DCT: variants seen among roughly 807,000 people sequenced by gnomAD.
The protein encoded by DCT is L-dopachrome tautomerase.
DCT carries 47 observed loss-of-function variants against 53.0 expected under a neutral mutation model. The observed-to-expected ratio is 0.89, with a 90% CI of 0.70 to 1.13. The LOEUF is 1.13. Ranked by LOEUF, DCT falls within the 50% of genes most tolerant of loss-of-function variation. DCT has a pLI of 0.00. For synonymous variants in DCT, 244 were observed against 237.0 expected, an observed-to-expected ratio of 1.03 and a Z score of -0.27; for missense variants, 669 against 637.4, an observed-to-expected ratio of 1.05 and a Z score of -0.53.
intron 6 of DCT, among the ~76,000 whole-genome samples, chr13:94,457,696 G>A (rs1883498511): frequency 6.6e-6 from 1 of 152,176 alleles, no homozygotes; most frequent in African/African-American, 2.4e-5. Context: ...ATTTCTTCTT[G>A]TAATTGCTCC....
At chr13:94,521,754 G>A in the DCT span, among the ~76,000 whole-genome samples, 1 of 152,168 alleles carries the variant, frequency 6.6e-6, no homozygotes, top group African/African-American at 2.4e-5. Flanking sequence ...GCTTTATTAA[G>A]ATATAATTCA....
chr13:94,518,778 A>G, the DCT span, among the ~76,000 whole-genome samples: 1 of 152,204 alleles, frequency 6.6e-6, no homozygotes. Flanking sequence ...AAAACTGAAT[A>G]TCTGAATATA....
At chr13:94,451,215 G>C (rs1165233540) in intron 6 of DCT, among the ~76,000 whole-genome samples, 1 of 152,096 alleles carries the variant, frequency 6.6e-6, no homozygotes, top group East Asian at 1.9e-4. Context: ...AACTAGTATT[G>C]AATAAGTAAA....
At position 94,479,299 on chromosome 13, in the gene DCT, GTC is replaced by G; in HGVS notation, c.-46_-45del. On this transcript the variant is annotated 5_prime_UTR_variant, in exon 1 of 8. Coordinates refer to ENST00000377028, the MANE Select transcript of DCT (RefSeq NM_001922.5). The stretch of plus-strand genomic sequence containing the variant: ...GCTCTCTCTCTCTCTTACTTTCCTT[GTC>G]TCTGTCGTACTTTTCTCCTTATCTT... The G allele has an allele frequency of 6.8e-7, 1 of 1,470,458 alleles. No individual in the cohort carries two copies. Among genetic ancestry groups the G allele is most frequent in the Non-Finnish European group, 9.1e-7 (1 of 1,097,060 alleles). 91.1% of individuals were successfully genotyped at this position (1,470,458 alleles called of 1,614,324 possible).
Position 94,462,141 on chromosome 13 carries a change from T to G in DCT, c.912A>C (p.Glu304Asp). 6.2e-7 allele frequency: 1 copy of G among 1,613,532 alleles called. No homozygotes were observed. Among genetic ancestry groups the G allele is most frequent in the Non-Finnish European group, 8.5e-7 (1 of 1,179,762 alleles). ...HLVTLCNGTY[E>D]GLLRRNQMGR... ...CCATTTGATTTCTTCTCAGCAAACC[T>G]TCATAGGTTCCATTGCACAAGGTGA... Residue 304 changes from glutamate to aspartate, a missense_variant, in exon 5 of 8, where the codon GAA becomes GAC. Coordinates refer to ENST00000377028, the MANE Select transcript of DCT (RefSeq NM_001922.5).
the DCT span, among the ~76,000 whole-genome samples, chr13:94,548,254 C>G: frequency 1.3e-5 from 2 of 151,912 alleles, no homozygotes; most frequent in Admixed American, 1.3e-4. Flanking sequence ...ATATGTACTT[C>G]ATAAGGTTGT....
the DCT span, among the ~76,000 whole-genome samples, chr13:94,500,300 T>G: frequency 6.6e-6 from 1 of 152,140 alleles, no homozygotes; most frequent in Non-Finnish European, 1.5e-5. Context: ...TGGGGAGGCC[T>G]CACAATCATG....
chr13:94,442,948 G>A (rs1231256882), intron 7 of DCT, among the ~76,000 whole-genome samples: 4 of 152,112 alleles, frequency 2.6e-5, no homozygotes, highest in African/African-American at 9.7e-5. Context: ...CTTGATTACT[G>A]AGTTTTCTGG....
intron 1 of DCT, among the ~76,000 whole-genome samples, chr13:94,470,622 T>C (rs1312966843): frequency 6.6e-6 from 1 of 152,158 alleles, no homozygotes; most frequent in Admixed American, 6.5e-5. Flanking sequence ...CACTTACTCC[T>C]CCTCCTCTAC....
At chr13:94,440,906 C>A (rs1037228456) in intron 7 of DCT, among the ~76,000 whole-genome samples, 1 of 152,084 alleles carries the variant, frequency 6.6e-6, no homozygotes, top group Non-Finnish European at 1.5e-5. Flanking sequence ...GTCTGAAACT[C>A]CTGACTGCAG....
At chr13:94,528,093 A>G in the DCT span, among the ~76,000 whole-genome samples, 2 of 152,208 alleles carry the variant, frequency 1.3e-5, no homozygotes, top group African/African-American at 4.8e-5. Flanking sequence ...TAGAGAAAAA[A>G]GAGTGAAAAG....
intron 5 of DCT, among the ~76,000 whole-genome samples, chr13:94,460,700 C>T (rs1351515832): frequency 6.6e-6 from 1 of 151,950 alleles, no homozygotes; most frequent in Admixed American, 6.6e-5. Flanking sequence ...TTTGAGGTTA[C>T]AATTAGCCAT....
Position 94,479,128 on chromosome 13 carries a change from C to CGTG in DCT, c.125_127dup (p.Pro42dup). ...GACATTGGCCGACTCTGCACCCAGG[C>CGTG]GTGGGCAGCACTCCTTGTTCACTAG... is the stretch of plus-strand genomic sequence containing the variant. On this transcript the variant is annotated inframe_insertion, in exon 1 of 8. Coordinates refer to ENST00000377028, the MANE Select transcript of DCT (RefSeq NM_001922.5). The CGTG allele has an allele frequency of 6.2e-7, 1 of 1,614,206 alleles. No individual in the cohort carries two copies. Among genetic ancestry groups the CGTG allele is most frequent in the Non-Finnish European group, 8.5e-7 (1 of 1,180,030 alleles).
the DCT span, among the ~76,000 whole-genome samples, chr13:94,510,883 C>T: frequency 6.6e-6 from 1 of 152,196 alleles, no homozygotes; most frequent in African/African-American, 2.4e-5. Context: ...AGACAAAAGC[C>T]TGCAATTCCT....
chr13:94,455,523 T>A (rs1352176456), intron 6 of DCT, among the ~76,000 whole-genome samples: 1 of 152,192 alleles, frequency 6.6e-6, no homozygotes, highest in African/African-American at 2.4e-5. Flanking sequence ...CCTGTTTTTG[T>A]AAATAACGTT....
At chr13:94,447,522 G>A (rs1361026793) in intron 6 of DCT, among the ~76,000 whole-genome samples, 1 of 152,220 alleles carries the variant, frequency 6.6e-6, no homozygotes, top group African/African-American at 2.4e-5. Context: ...TGGGCCCATG[G>A]CCCAGGGGTT....
upstream of DCT, among the ~76,000 whole-genome samples, chr13:94,480,158 T>G (rs1566870337): frequency 6.6e-6 from 1 of 152,156 alleles, no homozygotes; most frequent in African/African-American, 2.4e-5. Context: ...AACTTACTCT[T>G]CTCCTATTCA....
the DCT span, among the ~76,000 whole-genome samples, chr13:94,504,908 T>C: frequency 9.5e-4 from 145 of 152,190 alleles, 2 homozygotes; most frequent in Admixed American, 6.9e-3. Flanking sequence ...AACTCCCTCC[T>C]ACCTCTTCTC....
chr13:94,447,706 AG>A (rs1301660967), intron 6 of DCT, among the ~76,000 whole-genome samples: 1 of 152,234 alleles, frequency 6.6e-6, no homozygotes, highest in Non-Finnish European at 1.5e-5. Flanking sequence ...AGTTCAAGTC[AG>A]GGTTCAAATT....
Sources: gnomAD v4.1 joint callset for allele counts (sites outside exome capture counted in the v4.1 genomes callset) on GRCh38, gnomAD v4.1.1 for gene constraint, MANE v1.5 for transcripts, NCBI Gene and HGNC (gene_info 2026-07-23, HGNC 2026-07-21) for gene names.